Variants in PCDH15 observed in about 807,000 individuals in gnomAD.
The protein encoded by PCDH15 is protocadherin-15.
A neutral mutation model predicts 178.5 loss-of-function variants in PCDH15; 129 were observed. The observed-to-expected ratio is 0.72, with a 90% CI of 0.63 to 0.84. The LOEUF is 0.84. Ranked by LOEUF, PCDH15 falls within the 40% of genes least tolerant of loss-of-function variation. The pLI is 0.00. For synonymous variants in PCDH15, 800 were observed against 732.0 expected (o/e 1.09, Z -1.50); for missense variants, 2,230 against 2,099.9 (o/e 1.06, Z -1.21).
intron 3 of PCDH15, among the ~76,000 whole-genome samples, chr10:54,421,946 A>C (rs867688421): frequency 1.2e-5 from 1 of 84,346 alleles, no homozygotes; most frequent in Non-Finnish European, 2.2e-5. Flanking sequence ...TATATATATA[A>C]AAATATATAT....
chr10:53,809,291 C>G (rs765491196), intron 37 of PCDH15: 2 of 1,613,904 alleles, frequency 1.2e-6, no homozygotes, highest in Non-Finnish European at 1.7e-6. Flanking sequence ...TCCTCTTGGT[C>G]CAGAGTGAGT....
intron 20 of PCDH15, among the ~76,000 whole-genome samples, chr10:54,002,203 T>C (rs1297085717): frequency 6.6e-6 from 1 of 151,862 alleles, no homozygotes; most frequent in African/African-American, 2.4e-5. Context: ...AAAGCGAATA[T>C]TATTAAAGCT....
At chr10:53,988,630 G>A (rs1004295443) in intron 21 of PCDH15, among the ~76,000 whole-genome samples, 1 of 152,118 alleles carries the variant, frequency 6.6e-6, no homozygotes. Context: ...GTCATGAGAA[G>A]CCAAGATACC....
At chr10:55,009,435 C>A (rs1840002249) in intron 2 of PCDH15, among the ~76,000 whole-genome samples, 1 of 151,976 alleles carries the variant, frequency 6.6e-6, no homozygotes, top group Admixed American at 6.6e-5. Flanking sequence ...TAGTAAAAGC[C>A]ATCTACCACC....
At chr10:54,627,322 A>G (rs913751216) in intron 2 of PCDH15, among the ~76,000 whole-genome samples, 1 of 152,122 alleles carries the variant, frequency 6.6e-6, no homozygotes, top group Admixed American at 6.5e-5. Flanking sequence ...CCCAAATCTC[A>G]TCTTGAAGCT....
intron 14 of PCDH15, among the ~76,000 whole-genome samples, chr10:54,136,065 G>A (rs2042875921): frequency 6.6e-6 from 1 of 152,016 alleles, no homozygotes; most frequent in Non-Finnish European, 1.5e-5. Context: ...TTATAATACT[G>A]TAGATATTTT....
chr10:53,918,111 G>A (rs2083680757), intron 25 of PCDH15, among the ~76,000 whole-genome samples: 1 of 152,116 alleles, frequency 6.6e-6, no homozygotes, highest in Admixed American at 6.6e-5. Flanking sequence ...TTGTAGCAAT[G>A]CAAGAATGGC....
At chr10:54,318,393 T>A (rs1162100524) in intron 7 of PCDH15, among the ~76,000 whole-genome samples, 1 of 152,174 alleles carries the variant, frequency 6.6e-6, no homozygotes, top group Non-Finnish European at 1.5e-5. Context: ...CTATTAGAGA[T>A]CAGTTCAGAT....
At chr10:55,352,792 A>C (rs2131969066) in intron 2 of PCDH15, among the ~76,000 whole-genome samples, 1 of 152,230 alleles carries the variant, frequency 6.6e-6, no homozygotes, top group South Asian at 2.1e-4. Flanking sequence ...GGTTGGACTG[A>C]GAAGAAGCTC....
chr10:54,766,046 G>T (rs1948474766), intron 1 of PCDH15, among the ~76,000 whole-genome samples: 1 of 151,812 alleles, frequency 6.6e-6, no homozygotes, highest in African/African-American at 2.4e-5. Context: ...CAGTGTCTTT[G>T]TGTGAAATAT....
intron 8 of PCDH15, among the ~76,000 whole-genome samples, chr10:54,292,336 G>A (rs917601252): frequency 1.2e-4 from 18 of 151,898 alleles, no homozygotes; most frequent in African/African-American, 2.9e-4. Context: ...ATAATAAGAG[G>A]TATTTATGAC....
At chr10:54,389,759 T>A (rs1216466015) in intron 3 of PCDH15, among the ~76,000 whole-genome samples, 1 of 138,618 alleles carries the variant, frequency 7.2e-6, no homozygotes, top group African/African-American at 2.7e-5. Flanking sequence ...GCAAACATGG[T>A]GAAACACCAT....
intron 2 of PCDH15, among the ~76,000 whole-genome samples, chr10:54,646,436 T>C (rs917948212): frequency 2.0e-5 from 3 of 152,060 alleles, no homozygotes; most frequent in African/African-American, 7.2e-5. Flanking sequence ...AGCACAAAAC[T>C]GTCATATGGT....
chr10:54,622,810 T>A (rs1418975805), intron 2 of PCDH15, among the ~76,000 whole-genome samples: 1 of 84,782 alleles, frequency 1.2e-5, no homozygotes, highest in African/African-American at 4.5e-5. Flanking sequence ...ATCCAGTGGC[T>A]ATTTCCTGTA....
intron 2 of PCDH15, among the ~76,000 whole-genome samples, chr10:54,653,963 T>A (rs938932344): frequency 6.6e-6 from 1 of 152,242 alleles, no homozygotes; most frequent in African/African-American, 2.4e-5. Flanking sequence ...ATTTATCACC[T>A]CATAAACTTG....
intron 2 of PCDH15, among the ~76,000 whole-genome samples, chr10:55,378,068 G>T (rs908437529): frequency 6.6e-6 from 1 of 152,066 alleles, no homozygotes; most frequent in Non-Finnish European, 1.5e-5. Flanking sequence ...GGGTTAGGGT[G>T]CTACGGGGAG....
At chr10:54,022,506 A>G (rs2092955078) in intron 19 of PCDH15, among the ~76,000 whole-genome samples, 2 of 152,144 alleles carry the variant, frequency 1.3e-5, no homozygotes, top group African/African-American at 4.8e-5. Context: ...GAACACAAAG[A>G]TAAATGTGAA....
intron 3 of PCDH15, among the ~76,000 whole-genome samples, chr10:54,853,289 G>GTATGTATA (rs1554806765): frequency 9.7e-6 from 1 of 102,576 alleles, no homozygotes; most frequent in African/African-American, 3.9e-5. Context: ...ATGTATGTGT[G>GTATGTATA]TATATATATA....
chr10:55,205,835 C>T (rs1007951670), intron 1 of PCDH15, among the ~76,000 whole-genome samples: 9 of 152,026 alleles, frequency 5.9e-5, no homozygotes, highest in Non-Finnish European at 1.2e-4. Context: ...GTTTATTGAA[C>T]TTACGGTTCC....
Sources: gnomAD v4.1 joint callset for allele counts (sites outside exome capture counted in the v4.1 genomes callset) on GRCh38, gnomAD v4.1.1 for gene constraint, MANE v1.5 for transcripts, NCBI Gene and HGNC (gene_info 2026-07-23, HGNC 2026-07-21) for gene names.